Variants in DPP6 observed in about 807,000 individuals in gnomAD.
DPP6 encodes dipeptidyl peptidase like 6.
In DPP6, 69 loss-of-function variants were observed where a neutral mutation model predicts 122.6. That is an observed-to-expected ratio of 0.56 (90% confidence interval 0.46 to 0.69). DPP6 has a LOEUF of 0.69. Among genes scored for constraint, DPP6 ranks in the 30% least tolerant of loss-of-function variants. The pLI is 0.00. For missense variants in DPP6, 928 were observed against 1,116.9 expected (o/e 0.83, Z 2.41); for synonymous variants, 418 against 433.1 (o/e 0.97, Z 0.43).
rs142276833 is a variant in DPP6 at position 154,822,118 on chromosome 7, C to T, written c.1666+15006C>T. Among the ~76,000 whole-genome samples the T allele has an allele frequency of 1.2e-4, 18 of 152,222 alleles. No homozygotes were observed. The East Asian group carries it at 1.5e-3, about 13-fold the overall frequency. ...GCTCTGAGGGCATTTTTTGCCTTTA[C>T]GCCGTTGCATCTTGTCCATCCCTTT... On this transcript the variant is annotated intron_variant, in intron 16 of 25. Coordinates refer to ENST00000377770, the MANE Select transcript of DPP6 (RefSeq NM_130797.4).
intron 1 of DPP6, among the ~76,000 whole-genome samples, chr7:153,954,348 A>C (rs955728792): frequency 5.3e-5 from 8 of 152,222 alleles, no homozygotes; most frequent in Non-Finnish European, 1.2e-4. Flanking sequence ...CTAAAATTTA[A>C]ATTTCTACTA....
intron 1 of DPP6, among the ~76,000 whole-genome samples, chr7:154,112,451 C>T (rs1216973881): frequency 1.3e-5 from 2 of 151,970 alleles, no homozygotes; most frequent in Non-Finnish European, 2.9e-5. Flanking sequence ...TCGAGACCAG[C>T]CTGGCCAACA....
At chr7:153,777,815 T>C in the DPP6 span, among the ~76,000 whole-genome samples, 1 of 140,884 alleles carries the variant, frequency 7.1e-6, no homozygotes, top group Non-Finnish European at 1.5e-5. Flanking sequence ...AAAATCTTGG[T>C]AGTTAATACG....
Position 154,755,953 on chromosome 7 carries a change from T to C in DPP6, c.884-13464T>C, listed in dbSNP as rs899344249. Reference sequence around the variant, plus strand: ...AGAGTGGCGAGGACTTGAGTGGGACTGTTGGGTTGTTGTGTTGCAGAGGAA... The same window carrying C: ...AGAGTGGCGAGGACTTGAGTGGGACCGTTGGGTTGTTGTGTTGCAGAGGAA... On this transcript the variant is annotated intron_variant, in intron 8 of 25. Transcript: ENST00000377770. The surrounding 1 kb of genome is among the most constrained non-coding windows in gnomAD (Gnocchi z 4.7). Among the ~76,000 whole-genome samples, 2 of 152,206 alleles carry C rather than the reference T, an allele frequency of 1.3e-5. No individual in the cohort carries two copies. The highest frequency in any genetic ancestry group is 2.9e-5 in the Non-Finnish European group (2 of 68,042).
At chr7:154,370,069 G>T (rs996415301) in intron 1 of DPP6, among the ~76,000 whole-genome samples, 1 of 151,744 alleles carries the variant, frequency 6.6e-6, no homozygotes, top group Non-Finnish European at 1.5e-5. Flanking sequence ...TGCAACCTCC[G>T]CCTCTTGGGT....
chr7:154,692,697 A>T (rs1189782737), intron 7 of DPP6, among the ~76,000 whole-genome samples: 1 of 152,154 alleles, frequency 6.6e-6, no homozygotes, highest in Non-Finnish European at 1.5e-5. Flanking sequence ...TCATTAATTC[A>T]AGGTTCAGGG....
chr7:154,411,539 C>T (rs1044184685), intron 1 of DPP6, among the ~76,000 whole-genome samples: 3 of 152,166 alleles, frequency 2.0e-5, no homozygotes, highest in African/African-American at 7.2e-5. Flanking sequence ...CAGTGCTTGG[C>T]CTCAATTTTT....
At chr7:154,546,269 ATACT>A (rs1419676125) in intron 4 of DPP6, among the ~76,000 whole-genome samples, 1 of 152,188 alleles carries the variant, frequency 6.6e-6, no homozygotes, top group Non-Finnish European at 1.5e-5. Context: ...AACTATGAAA[ATACT>A]TAATCTTGTT....
chr7:154,872,845 G>T (rs1804512949), intron 19 of DPP6, among the ~76,000 whole-genome samples, 152 bp downstream of exon 19: 1 of 152,230 alleles, frequency 6.6e-6, no homozygotes, highest in Admixed American at 6.5e-5. Context: ...CCAATGTCAG[G>T]TTCTTTAGGA....
intron 17 of DPP6, among the ~76,000 whole-genome samples, chr7:154,867,708 G>A (rs1013650840): frequency 6.6e-6 from 1 of 152,194 alleles, no homozygotes; most frequent in Non-Finnish European, 1.5e-5. Context: ...AAACCTGTGC[G>A]TGTGACGCCA....
At chr7:154,586,452 G>C (rs1001670223) in intron 5 of DPP6, among the ~76,000 whole-genome samples, 1 of 152,114 alleles carries the variant, frequency 6.6e-6, no homozygotes, top group Non-Finnish European at 1.5e-5. Context: ...ATAGATGAGG[G>C]AGAAATTTGC....
Position 153,936,223 on chromosome 7 carries a change from T to C in DPP6, c.51+48489T>C, listed in dbSNP as rs987131930. 4.0e-5 allele frequency among the ~76,000 whole-genome samples: 6 copies of C among 149,996 alleles called. No homozygotes were observed. In the East Asian group the frequency reaches 1.2e-3, roughly 29 times the overall value. On this transcript the variant is annotated intron_variant, in intron 1 of 25. Coordinates refer to the DPP6 transcript ENST00000404039. ...GGTGGGTGGAGACAAGGCATTAATATCTGGATGGGACAAGCAGGGCAGTGA... is the reference window on the plus strand; with the variant it reads ...GGTGGGTGGAGACAAGGCATTAATACCTGGATGGGACAAGCAGGGCAGTGA...
chr7:154,809,908 C>T (rs565362926), intron 16 of DPP6, among the ~76,000 whole-genome samples: 2 of 152,276 alleles, frequency 1.3e-5, no homozygotes, highest in Non-Finnish European at 2.9e-5. Context: ...CTTGCTCTGC[C>T]GCCCAGGCTG....
intron 7 of DPP6, among the ~76,000 whole-genome samples, chr7:154,724,446 C>T (rs1205491192): frequency 2.0e-5 from 3 of 152,194 alleles, no homozygotes; most frequent in Admixed American, 6.5e-5. Flanking sequence ...TTCTCCATCT[C>T]CATGGTTAGT....
chr7:154,305,183 G>A (rs1033966667), intron 1 of DPP6: 2 of 1,009,870 alleles, frequency 2.0e-6, no homozygotes, highest in Non-Finnish European at 1.2e-6. Context: ...CCTGCACCCA[G>A]CCGCCACTTG....
chr7:154,281,255 C>T (rs554570494), intron 1 of DPP6, among the ~76,000 whole-genome samples: 7 of 152,092 alleles, frequency 4.6e-5, no homozygotes, highest in African/African-American at 9.6e-5. Flanking sequence ...TCAAGTGATC[C>T]GCCCGCTTCG....
intron 21 of DPP6, chr7:154,883,856 CAT>C (rs1346192089): frequency 5.7e-5 from 4 of 70,742 alleles, no homozygotes; most frequent in South Asian, 3.8e-4. Flanking sequence ...CACATGCTCA[CAT>C]GATTACACAT....
At chr7:154,307,561 C>T (rs1322419947) in intron 1 of DPP6, among the ~76,000 whole-genome samples, 1 of 151,324 alleles carries the variant, frequency 6.6e-6, no homozygotes, top group South Asian at 2.1e-4. Flanking sequence ...GGGGTGAAGA[C>T]CCCACATTTC....
At chr7:154,095,582 G>C (rs1805268117) in intron 1 of DPP6, 1 of 128,004 alleles carries the variant, frequency 7.8e-6, no homozygotes, top group African/African-American at 2.8e-5. Flanking sequence ...AGCTTTAGCA[G>C]CTGGGCCTTC....
Sources: gnomAD v4.1 joint callset for allele counts (sites outside exome capture counted in the v4.1 genomes callset) on GRCh38, gnomAD v4.1.1 for gene constraint, Gnocchi (gnomAD v3.1) non-coding constraint, MANE v1.5 for transcripts, NCBI Gene and HGNC (gene_info 2026-07-23, HGNC 2026-07-21) for gene names.